Variants in OTUD7A observed in about 807,000 individuals in gnomAD.
OTUD7A encodes the protein OTU deubiquitinase 7A.
A neutral mutation model predicts 65.7 loss-of-function variants in OTUD7A; 12 were observed. The observed-to-expected ratio is 0.18, with a 90% confidence interval of 0.12 to 0.30. The LOEUF is 0.30. Among genes scored for constraint, OTUD7A ranks in the 10% least tolerant of loss-of-function variants. OTUD7A has a pLI of 1.00. For synonymous variants in OTUD7A, 641 were observed against 586.3 expected (o/e 1.09, Z -1.35); for missense variants, 1,148 against 1,304.8 (o/e 0.88, Z 1.85).
At chr15:31,588,195 G>A (rs1239675854) in intron 3 of OTUD7A, among the ~76,000 whole-genome samples, 1 of 152,162 alleles carries the variant, frequency 6.6e-6, no homozygotes, top group African/African-American at 2.4e-5. Context: ...ATGTGGCAAT[G>A]AAAAAGCAAT....
At chr15:31,725,636 G>C (rs1289377823) in intron 1 of OTUD7A, among the ~76,000 whole-genome samples, 1 of 152,110 alleles carries the variant, frequency 6.6e-6, no homozygotes, top group Admixed American at 6.5e-5. Flanking sequence ...TCTGCTTCTG[G>C]GCTCTCAGAA....
chr15:31,525,449 G>A (rs2041997698), intron 8 of OTUD7A, among the ~76,000 whole-genome samples: 1 of 152,302 alleles, frequency 6.6e-6, no homozygotes, highest in South Asian at 2.1e-4. Flanking sequence ...AGCTCTGTGG[G>A]AGCCTCTTTT....
chr15:31,812,455 G>C (rs7169641), intron 1 of OTUD7A, among the ~76,000 whole-genome samples: 91,564 of 152,054 alleles, frequency 0.6, 27,760 homozygotes, highest in East Asian at 0.69. Flanking sequence ...AGAGAAGAAA[G>C]AGCCTTGGGA....
intron 1 of OTUD7A, among the ~76,000 whole-genome samples, chr15:31,797,987 G>C (rs557749859): frequency 6.6e-6 from 1 of 152,244 alleles, no homozygotes; most frequent in South Asian, 2.1e-4. Flanking sequence ...TCTTGGTTGG[G>C]AGACACCCGC....
intron 5 of OTUD7A, among the ~76,000 whole-genome samples, chr15:31,551,251 T>C (rs906844670): frequency 6.6e-6 from 1 of 152,154 alleles, no homozygotes; most frequent in African/African-American, 2.4e-5. Flanking sequence ...CAGCAGAACC[T>C]AGAATGTGGT....
chr15:31,571,209 TAAAAATTA>T (rs768671555), intron 3 of OTUD7A, among the ~76,000 whole-genome samples: 3 of 152,140 alleles, frequency 2.0e-5, no homozygotes, highest in Non-Finnish European at 2.9e-5. Context: ...CCATAACAAT[TAAAAATTA>T]AAAAATTTTA....
chr15:31,753,702 T>TATATATAACCTGTGA (rs1206556359), intron 1 of OTUD7A, among the ~76,000 whole-genome samples: 1 of 11,172 alleles, frequency 9.0e-5, no homozygotes, highest in Admixed American at 2.1e-3. Context: ...TATATATATA[T>TATATATAACCTGTGA]TATATATATA....
chr15:31,682,254 T>C (rs1181790458), intron 1 of OTUD7A, among the ~76,000 whole-genome samples: 1 of 152,120 alleles, frequency 6.6e-6, no homozygotes, highest in East Asian at 1.9e-4. Context: ...TTGACCTAAA[T>C]AGAGAGATGT....
At chr15:31,860,677 G>GTGTGTATATATATA (rs560896384) in intron 1 of OTUD7A, among the ~76,000 whole-genome samples, 11 of 73,272 alleles carry the variant, frequency 1.5e-4, no homozygotes, top group South Asian at 6.1e-4. Context: ...ATGTATGTGT[G>GTGTGTATATATATA]TATATATATA....
intron 1 of OTUD7A, among the ~76,000 whole-genome samples, chr15:31,805,096 T>C (rs924888985): frequency 1.3e-5 from 2 of 152,192 alleles, no homozygotes; most frequent in African/African-American, 4.8e-5. Context: ...TTGCCCGATC[T>C]CCACATACAC....
intron 3 of OTUD7A, among the ~76,000 whole-genome samples, chr15:31,640,987 G>T (rs955331367): frequency 3.3e-5 from 5 of 152,052 alleles, no homozygotes; most frequent in Admixed American, 3.3e-4. Context: ...TTAATATCAG[G>T]TATTGTCAGA....
chr15:31,793,272 G>A (rs1484619374), intron 1 of OTUD7A, among the ~76,000 whole-genome samples: 1 of 152,160 alleles, frequency 6.6e-6, no homozygotes, highest in African/African-American at 2.4e-5. Flanking sequence ...ATTCTGGCCT[G>A]GTAGTAACTG....
At chr15:31,529,847 T>C (rs1319603774) in intron 6 of OTUD7A, among the ~76,000 whole-genome samples, 1 of 152,172 alleles carries the variant, frequency 6.6e-6, no homozygotes, top group African/African-American at 2.4e-5. Context: ...AAGGACTGCA[T>C]TCCTGTGTGA....
intron 1 of OTUD7A, among the ~76,000 whole-genome samples, chr15:31,666,581 A>G (rs1892327586): frequency 2.6e-5 from 4 of 152,146 alleles, no homozygotes; most frequent in Admixed American, 6.5e-5. Context: ...TTTTCAAAAA[A>G]TCAGCTTTTG....
At chr15:31,596,922 A>ATTTAT (rs901500258) in intron 3 of OTUD7A, among the ~76,000 whole-genome samples, 5 of 151,800 alleles carry the variant, frequency 3.3e-5, no homozygotes, top group African/African-American at 1.2e-4. Flanking sequence ...TGGCTTACCT[A>ATTTAT]TTTATTTTAT....
At chr15:31,828,851 C>T (rs1285412664) in intron 1 of OTUD7A, among the ~76,000 whole-genome samples, 1 of 152,114 alleles carries the variant, frequency 6.6e-6, no homozygotes, top group Non-Finnish European at 1.5e-5. Context: ...CCGCTTTACC[C>T]CAGGCAGGTC....
intron 3 of OTUD7A, among the ~76,000 whole-genome samples, chr15:31,580,310 A>G (rs1032519621): frequency 3.3e-5 from 5 of 152,144 alleles, no homozygotes; most frequent in African/African-American, 1.2e-4. Context: ...CCCTGCAGGA[A>G]TTGTACAGTG....
chr15:31,825,942 GA>G (rs1443820431), intron 1 of OTUD7A, among the ~76,000 whole-genome samples: 2 of 152,232 alleles, frequency 1.3e-5, no homozygotes, highest in African/African-American at 2.4e-5. Context: ...GATGATGCTA[GA>G]GGGGGGTTCC....
At chr15:31,713,833 C>T (rs2654047) in intron 1 of OTUD7A, among the ~76,000 whole-genome samples, 1,758 of 151,196 alleles carry the variant, frequency 0.012, 41 homozygotes, top group African/African-American at 0.042. Flanking sequence ...TGGAAATATA[C>T]TTGTACATAC....
Sources: gnomAD v4.1 joint callset for allele counts (sites outside exome capture counted in the v4.1 genomes callset) on GRCh38, gnomAD v4.1.1 for gene constraint, MANE v1.5 for transcripts, NCBI Gene and HGNC (gene_info 2026-07-23, HGNC 2026-07-21) for gene names.